The following XCR1 variants were observed in gnomAD, a reference collection of about 807,000 sequenced individuals.
The protein encoded by XCR1 is chemokine XC receptor 1.
For missense variants in XCR1, 356 were observed against 424.2 expected (o/e 0.84, Z 1.41); for synonymous variants, 187 against 188.5 (o/e 0.99, Z 0.06).
intron 4 of XCR1, among the ~76,000 whole-genome samples, chr3:46,062,834 G>T (rs1340226240): frequency 6.6e-6 from 1 of 152,234 alleles, no homozygotes; most frequent in Non-Finnish European, 1.5e-5. Context: ...CCTATCTCTG[G>T]GCTGGGGTGG....
At chr3:46,077,986 G>A (rs1428080356) in intron 1 of XCR1, among the ~76,000 whole-genome samples, 1 of 152,124 alleles carries the variant, frequency 6.6e-6, no homozygotes, top group South Asian at 2.1e-4. Flanking sequence ...TACCATGGTC[G>A]CTACCTGGCT....
In XCR1 at chr3:46,062,221, G is replaced by T. The variant is rs562477885; in HGVS notation, c.-183+4678C>A. On this transcript the variant is annotated intron_variant, in intron 4 of 5. Transcript: ENST00000683768. ...CCTCCTGGAAGCAGGACCAGTGGAT[G>T]TGAGTCCCTGCAGCAGCCATGGACA... Among the ~76,000 whole-genome samples the T allele has an allele frequency of 5.3e-5, 8 of 152,322 alleles. No individual in the cohort carries two copies. In the South Asian group the frequency reaches 1.2e-3, roughly 24 times the overall value.
chr3:46,023,890 AG>A, intron 1 of XCR1: 1 of 1,506,702 alleles, frequency 6.6e-7, no homozygotes, highest in Middle Eastern at 2.4e-4. Context: ...AAATAACTAA[AG>A]GCTGAAAAGG....
chr3:46,066,777 G>A (rs1390506182), intron 4 of XCR1, among the ~76,000 whole-genome samples: 2 of 152,246 alleles, frequency 1.3e-5, no homozygotes, highest in Non-Finnish European at 2.9e-5. Context: ...CCAGGTTCTA[G>A]CATTCAGTGC....
At chr3:46,054,579 C>T (rs1697818322) in intron 4 of XCR1, among the ~76,000 whole-genome samples, 1 of 151,626 alleles carries the variant, frequency 6.6e-6, no homozygotes, top group Admixed American at 6.6e-5. Flanking sequence ...ATTACTGTTA[C>T]CGAAACACCA....
intron 5 of XCR1, among the ~76,000 whole-genome samples, chr3:46,038,086 G>T (rs1181030695): frequency 2.0e-5 from 3 of 147,318 alleles, no homozygotes; most frequent in African/African-American, 7.6e-5. Context: ...GGAGTGCAAT[G>T]GTGCAATCTT....
upstream of XCR1, among the ~76,000 whole-genome samples, chr3:46,031,108 T>C (rs902638267): frequency 2.3e-4 from 34 of 147,216 alleles, no homozygotes; most frequent in African/African-American, 8.7e-4. Flanking sequence ...CCCTTAGAAG[T>C]TGGTGGGACA....
intron 4 of XCR1, among the ~76,000 whole-genome samples, chr3:46,058,431 A>C (rs1425951792): frequency 6.6e-6 from 1 of 152,194 alleles, no homozygotes. Context: ...TCTGTCCTTA[A>C]AGAAACCCTG....
chr3:46,070,884 A>G (rs1559494489), intron 3 of XCR1, among the ~76,000 whole-genome samples: 1 of 151,902 alleles, frequency 6.6e-6, no homozygotes, highest in Non-Finnish European at 1.5e-5. Flanking sequence ...GTTTGGTGGT[A>G]TTCTGTCATG....
At chr3:46,046,733 T>C (rs1162216543) in intron 5 of XCR1, among the ~76,000 whole-genome samples, 12 of 152,226 alleles carry the variant, frequency 7.9e-5, no homozygotes. Flanking sequence ...TATAAGATGT[T>C]AATGTGGTGC....
At chr3:46,031,420 G>A (rs747511346), upstream of XCR1, among the ~76,000 whole-genome samples, 3 of 152,236 alleles carry the variant, frequency 2.0e-5, no homozygotes, top group Non-Finnish European at 4.4e-5. Context: ...GGCCAGATGT[G>A]TGCATGCTTG....
intron 5 of XCR1, among the ~76,000 whole-genome samples, chr3:46,052,207 T>A: frequency 6.6e-6 from 1 of 152,176 alleles, no homozygotes; most frequent in East Asian, 1.9e-4. Flanking sequence ...CTCCCCCAAC[T>A]AATGTAACCC....
At chr3:46,022,783 T>G (rs1208826402) in intron 1 of XCR1, among the ~76,000 whole-genome samples, 1 of 152,170 alleles carries the variant, frequency 6.6e-6, no homozygotes, top group East Asian at 1.9e-4. Context: ...AACATAACAA[T>G]GTTTAGGACA....
At chr3:46,082,926 A>G (rs17215981) in intron 1 of XCR1, among the ~76,000 whole-genome samples, 13,732 of 152,204 alleles carry the variant, frequency 0.09, 997 homozygotes, top group South Asian at 0.34. Flanking sequence ...ACCAAAAACT[A>G]CTTTTGACCA....
At chr3:46,052,610 A>G (rs1697770255) in intron 5 of XCR1, among the ~76,000 whole-genome samples, 2 of 152,188 alleles carry the variant, frequency 1.3e-5, no homozygotes, top group African/African-American at 2.4e-5. Flanking sequence ...AGATTTGTCA[A>G]CTACTAAATT....
intron 1 of XCR1, among the ~76,000 whole-genome samples, chr3:46,080,572 A>G (rs896755402): frequency 2.6e-5 from 4 of 152,138 alleles, no homozygotes; most frequent in Non-Finnish European, 5.9e-5. Flanking sequence ...AAAAACAAAA[A>G]CAACAAAAAA....
At chr3:46,037,544 A>C (rs1358266719) in intron 5 of XCR1, among the ~76,000 whole-genome samples, 1 of 152,212 alleles carries the variant, frequency 6.6e-6, no homozygotes, top group Non-Finnish European at 1.5e-5. Context: ...GAAGTCCAAA[A>C]GTATCATAGA....
chr3:46,043,799 A>T (rs1697578159), intron 5 of XCR1, among the ~76,000 whole-genome samples: 1 of 152,064 alleles, frequency 6.6e-6, no homozygotes. Flanking sequence ...TCAACATAAT[A>T]CTAAAAGGTC....
At chr3:46,029,069 T>C (rs917885849), upstream of XCR1, among the ~76,000 whole-genome samples, 2 of 152,244 alleles carry the variant, frequency 1.3e-5, no homozygotes, top group Non-Finnish European at 2.9e-5. Flanking sequence ...GTCAGTACCA[T>C]AGAGTTTTGA....
Sources: allele counts gnomAD v4.1 joint callset (sites outside exome capture counted in the v4.1 genomes callset), GRCh38; gene constraint gnomAD v4.1.1; transcripts MANE v1.5; gene names NCBI Gene and HGNC (gene_info 2026-07-23, HGNC 2026-07-21).